The following PDE2A variants were observed in gnomAD, a reference collection of about 807,000 sequenced individuals.
PDE2A encodes phosphodiesterase 2A.
In PDE2A, 53 loss-of-function variants were observed where a neutral mutation model predicts 133.6. The ratio of observed to expected loss-of-function variants is 0.40; its 90% CI spans 0.32 to 0.50. The LOEUF (loss-of-function observed/expected upper bound fraction) is 0.50. Ranked by LOEUF, PDE2A falls within the 20% of genes least tolerant of loss-of-function variation. PDE2A has a pLI of 0.73. For missense variants in PDE2A, 796 were observed against 1,232.4 expected (o/e 0.65, Z 5.30); for synonymous variants, 491 against 490.2 (o/e 1.00, Z -0.02).
intron 2 of PDE2A, among the ~76,000 whole-genome samples, chr11:72,632,020 G>A (rs575614513): frequency 6.6e-5 from 10 of 152,218 alleles, no homozygotes; most frequent in Non-Finnish European, 8.8e-5. Flanking sequence ...CTTCAGAATC[G>A]TGTGGTGGGG....
At chr11:72,615,703 C>T (rs1209136554) in intron 2 of PDE2A, among the ~76,000 whole-genome samples, 2 of 152,162 alleles carry the variant, frequency 1.3e-5, no homozygotes, top group East Asian at 3.9e-4. Flanking sequence ...CCAAACACAT[C>T]ACAGCATCCC....
chr11:72,654,176 C>T (rs1427531357), intron 1 of PDE2A, among the ~76,000 whole-genome samples: 2 of 152,130 alleles, frequency 1.3e-5, no homozygotes, highest in African/African-American at 4.8e-5. Flanking sequence ...CCTGAGGACC[C>T]ACCAGTGACC....
At chr11:72,652,529 GC>G (rs922296106) in intron 1 of PDE2A, 4 of 455,904 alleles carry the variant, frequency 8.8e-6, no homozygotes, top group African/African-American at 6.0e-5. Context: ...CATTCCACAG[GC>G]CTGAAGAACC....
intron 1 of PDE2A, among the ~76,000 whole-genome samples, chr11:72,643,843 C>A (rs78788987): frequency 6.6e-6 from 1 of 152,316 alleles, no homozygotes; most frequent in African/African-American, 2.4e-5. Flanking sequence ...AGCGTTTCTC[C>A]CACCTTTCTT....
chr11:72,635,896 C>G, intron 2 of PDE2A: 1 of 921,818 alleles, frequency 1.1e-6, no homozygotes, highest in Non-Finnish European at 1.4e-6. Context: ...TCTCCCTTTG[C>G]TCTCACTCCC....
intron 1 of PDE2A, among the ~76,000 whole-genome samples, chr11:72,651,082 C>T (rs1854728852): frequency 1.3e-5 from 2 of 152,188 alleles, no homozygotes; most frequent in Admixed American, 1.3e-4. Context: ...GCTCCAAGAA[C>T]TCCCAGAGCT....
rs369568664 is a variant in PDE2A at position 72,579,996 on chromosome 11, G to A, written c.2182-388C>T. ...AAGGGCAAGGCCCCCATTTCCGGATGCTGAAGGGCTGTCACTCAGAAAAGG... is the reference window on the plus strand; with the variant it reads ...AAGGGCAAGGCCCCCATTTCCGGATACTGAAGGGCTGTCACTCAGAAAAGG... On this transcript the variant is annotated intron_variant, in intron 25 of 30. Coordinates refer to ENST00000334456, the MANE Select transcript of PDE2A (RefSeq NM_002599.5). 8.2e-4 allele frequency: 176 copies of A among 214,954 alleles called. No homozygotes were observed. The South Asian group carries it at 0.011, about 13-fold the overall frequency. The allele number at this position is 214,954 out of a possible 1,614,324, so 13.3% of individuals were successfully genotyped here. A position where few individuals can be genotyped will look rare whatever the true frequency, so the allele number is the denominator to read the frequency against.
At position 72,586,081 on chromosome 11, in the gene PDE2A, A is replaced by G; in HGVS notation, c.1171T>C (p.Cys391Arg). The change falls in exon 14 of 31, where the codon TGT becomes CGT. Residue 391 changes from cysteine (C) to arginine (R), a missense_variant. Coordinates refer to ENST00000334456, the MANE Select transcript of PDE2A (RefSeq NM_002599.5). ...GGCAGGTCACTCACCTGGCACTCAC[A>G]CTTGAGTTTCTGTTCCTTCTGGAAG... is the stretch of plus-strand genomic sequence containing the variant. ...LAFQKEQKLK[C>R]ECQALLQVAK... 1 of 1,604,138 alleles carries G rather than the reference A, an allele frequency of 6.2e-7. No homozygotes were observed. The highest frequency in any genetic ancestry group is 8.5e-7 in the Non-Finnish European group (1 of 1,172,866).
chr11:72,640,641 A>T (rs139385360), intron 2 of PDE2A, among the ~76,000 whole-genome samples: 1 of 152,320 alleles, frequency 6.6e-6, no homozygotes, highest in African/African-American at 2.4e-5. Flanking sequence ...ACATTGGCAC[A>T]CACGGCACCC....
intron 2 of PDE2A, among the ~76,000 whole-genome samples, chr11:72,612,334 G>A (rs1436647005): frequency 4.6e-5 from 7 of 151,312 alleles, no homozygotes; most frequent in Middle Eastern, 3.4e-3. Flanking sequence ...ACTCAGGCTC[G>A]GGATGGGGTG....
intron 2 of PDE2A, chr11:72,636,158 C>G (rs530376871): frequency 5.9e-5 from 68 of 1,146,800 alleles, no homozygotes; most frequent in Non-Finnish European, 5.6e-6. Flanking sequence ...GGGGCCCTGC[C>G]GGCTACTCTC....
rs946129506 is a variant in PDE2A, at chr11:72,597,443, C to A, written c.433+67G>T. On this transcript the variant is annotated intron_variant, in intron 5 of 30. Transcript: ENST00000334456. This position sits in a 1 kb window ranked among gnomAD's most constrained non-coding sequence, Gnocchi z 4.6. ...AAGAGGAATAGAAGACACACATGACCTGGAGTGCAGGGGCCACAGTCCCTC... is the reference window on the plus strand; with the variant it reads ...AAGAGGAATAGAAGACACACATGACATGGAGTGCAGGGGCCACAGTCCCTC... The A allele has an allele frequency of 6.9e-6, 6 of 872,680 alleles. No homozygotes were observed. The highest frequency in any genetic ancestry group is 3.3e-5 in the African/African-American group (2 of 60,294). The allele number at this position is 872,680 out of a possible 1,614,324, so 54.1% of individuals were successfully genotyped here.
At chr11:72,660,401 T>C (rs1016850553) in intron 1 of PDE2A, among the ~76,000 whole-genome samples, 11 of 152,162 alleles carry the variant, frequency 7.2e-5, no homozygotes, top group Non-Finnish European at 1.3e-4. Flanking sequence ...CAGGAGGTGT[T>C]TGTTTCACTA....
chr11:72,579,081 G>T, intron 27 of PDE2A, 72 bp from the exon 28 acceptor site: 3 of 1,202,070 alleles, frequency 2.5e-6, no homozygotes, highest in Non-Finnish European at 3.7e-6. Flanking sequence ...GGCTCCCAGG[G>T]CCCAACCCAG....
chr11:72,623,357 C>T (rs1044772011), intron 2 of PDE2A, among the ~76,000 whole-genome samples: 6 of 152,252 alleles, frequency 3.9e-5, no homozygotes, highest in Admixed American at 1.3e-4. Flanking sequence ...TGGCCCTCCT[C>T]CTCTGTCTCG....
chr11:72,636,834 T>C (rs1858720082), intron 2 of PDE2A, among the ~76,000 whole-genome samples: 1 of 152,208 alleles, frequency 6.6e-6, no homozygotes, highest in South Asian at 2.1e-4. Flanking sequence ...CAGGGAGCTA[T>C]TGAACATGCA....
At chr11:72,589,476 A>G (rs1856133189) in intron 11 of PDE2A, among the ~76,000 whole-genome samples, 1 of 152,212 alleles carries the variant, frequency 6.6e-6, no homozygotes, top group Non-Finnish European at 1.5e-5. Flanking sequence ...ATTCTCGTCA[A>G]CAGATTCTAG....
At chr11:72,612,149 T>G (rs984159502) in intron 2 of PDE2A, among the ~76,000 whole-genome samples, 5 of 152,142 alleles carry the variant, frequency 3.3e-5, no homozygotes, top group African/African-American at 7.2e-5. Context: ...AAATACATAT[T>G]GCTACGCACT....
chr11:72,625,662 T>G lies in PDE2A; in HGVS notation c.144+16592A>C, dbSNP rs192515824. On this transcript the variant is annotated intron_variant, in intron 2 of 30. Coordinates refer to ENST00000334456, the MANE Select transcript of PDE2A (RefSeq NM_002599.5). Reference sequence around the variant, plus strand: ...ACATGAGAGAGGTGGAGGGCATTTGTGGGGTTTGGAGAAAACAGGCTTCTC... The same window carrying G: ...ACATGAGAGAGGTGGAGGGCATTTGGGGGGTTTGGAGAAAACAGGCTTCTC... Among the ~76,000 whole-genome samples, 6 of 152,240 alleles carry G rather than the reference T, an allele frequency of 3.9e-5. No homozygotes were observed. In the East Asian group the frequency reaches 1.2e-3, roughly 29 times the overall value.
Sources: allele counts gnomAD v4.1 joint callset (sites outside exome capture counted in the v4.1 genomes callset), GRCh38; gene constraint gnomAD v4.1.1; non-coding constraint Gnocchi (gnomAD v3.1); transcripts MANE v1.5; gene names NCBI Gene and HGNC (gene_info 2026-07-23, HGNC 2026-07-21).